Variants in CGNL1 observed in about 807,000 individuals in gnomAD.
CGNL1 encodes cingulin like 1, also known as cingulin-like protein 1.
A neutral mutation model predicts 141.2 loss-of-function variants in CGNL1; 132 were observed. That is an observed-to-expected ratio of 0.93 (90% confidence interval 0.81 to 1.08). CGNL1 has a LOEUF of 1.08. Among genes scored for constraint, CGNL1 ranks in the 50% least tolerant of loss-of-function variants. CGNL1 has a pLI of 0.00. For synonymous variants in CGNL1, 690 were observed against 622.1 expected, an observed-to-expected ratio of 1.11 and a Z score of -1.63; for missense variants, 1,870 against 1,588.6, an observed-to-expected ratio of 1.18 and a Z score of -3.01.
intron 11 of CGNL1, among the ~76,000 whole-genome samples, chr15:57,524,369 C>T (rs2031472995): frequency 6.6e-6 from 1 of 152,224 alleles, no homozygotes; most frequent in Non-Finnish European, 1.5e-5. Context: ...GGCTGTGTGC[C>T]TGGCTCCAAA....
chr15:57,472,709 A>T (rs538340669), intron 8 of CGNL1, among the ~76,000 whole-genome samples: 1 of 152,208 alleles, frequency 6.6e-6, no homozygotes, highest in Non-Finnish European at 1.5e-5. Flanking sequence ...CATTTTCCTT[A>T]TGAGTTTTTG....
chr15:57,446,858 T>C (rs1170680040), intron 4 of CGNL1, among the ~76,000 whole-genome samples: 3 of 152,154 alleles, frequency 2.0e-5, no homozygotes, highest in Non-Finnish European at 4.4e-5. Context: ...ATATCCTCTG[T>C]AATACTTAGA....
chr15:57,529,260 C>A (rs1200652519), intron 13 of CGNL1, among the ~76,000 whole-genome samples: 2 of 152,134 alleles, frequency 1.3e-5, no homozygotes, highest in Admixed American at 1.3e-4. Flanking sequence ...TGTTTCTGGC[C>A]CATTTTCCCT....
intron 1 of CGNL1, among the ~76,000 whole-genome samples, chr15:57,422,455 A>C (rs2062926773): frequency 6.6e-6 from 1 of 152,190 alleles, no homozygotes; most frequent in Admixed American, 6.5e-5. Flanking sequence ...TCCTAGGAGA[A>C]AATGAAGACA....
At chr15:57,544,422 A>G (rs2032738550) in intron 15 of CGNL1, 51 bp from the exon 16 acceptor site, 5 of 1,610,312 alleles carry the variant, frequency 3.1e-6, no homozygotes, top group Non-Finnish European at 3.4e-6. Flanking sequence ...GCTGCTCTGC[A>G]CAGAGCGTGG....
intron 8 of CGNL1, among the ~76,000 whole-genome samples, chr15:57,468,739 G>A (rs143065740): frequency 1.8e-4 from 27 of 152,232 alleles, no homozygotes; most frequent in African/African-American, 5.5e-4. Context: ...CCTAAATCTC[G>A]TCTTGAATTG....
chr15:57,398,034 G>A (rs931078871), intron 1 of CGNL1, among the ~76,000 whole-genome samples: 1 of 152,122 alleles, frequency 6.6e-6, no homozygotes, highest in Admixed American at 6.5e-5. Context: ...GCCTGCCTCA[G>A]CTTCCCAAAG....
chr15:57,530,459 G>C (rs1285092596), intron 13 of CGNL1, among the ~76,000 whole-genome samples: 1 of 152,190 alleles, frequency 6.6e-6, no homozygotes, highest in East Asian at 1.9e-4. Flanking sequence ...CGTCTTGCCT[G>C]CTCCTTCACT....
intron 8 of CGNL1, among the ~76,000 whole-genome samples, chr15:57,494,001 A>T (rs974036387): frequency 6.6e-6 from 1 of 152,138 alleles, no homozygotes; most frequent in South Asian, 2.1e-4. Flanking sequence ...CATGTACCAC[A>T]TGTGTAACCC....
intron 17 of CGNL1, 41 bp downstream of exon 17, chr15:57,545,741 C>T (rs759762716): frequency 7.3e-5 from 111 of 1,521,900 alleles, no homozygotes; most frequent in Non-Finnish European, 8.9e-5. Flanking sequence ...GATGAGATTG[C>T]GTGTCTCAGG....
intron 12 of CGNL1, among the ~76,000 whole-genome samples, chr15:57,526,332 T>A (rs2031614209): frequency 6.6e-6 from 1 of 152,168 alleles, no homozygotes; most frequent in East Asian, 1.9e-4. Context: ...GATACCACCC[T>A]TGACTAAGTT....
chr15:57,543,725 G>A lies in CGNL1; in HGVS notation c.3321G>A (p.Gln1107=). ...QMEQLRNELL[Q]ERAARQDLEC... is the part of the protein sequence containing the mutation. ...AGCAGTTGAGGAATGAGCTACTTCA[G>A]GAGAGAGCTGCGAGACAAGACTTGG... The change falls in exon 15 of 19, where the codon CAG becomes CAA. Residue 1107 remains glutamine (Q), a synonymous_variant. Transcript: ENST00000281282. 3 of 1,614,022 alleles carry A rather than the reference G, an allele frequency of 1.9e-6. No individual in the cohort carries two copies. Among genetic ancestry groups the A allele is most frequent in the Non-Finnish European group, 2.5e-6 (3 of 1,179,956 alleles).
chr15:57,420,065 A>G (rs539371511), intron 1 of CGNL1, among the ~76,000 whole-genome samples: 1 of 152,204 alleles, frequency 6.6e-6, no homozygotes, highest in East Asian at 1.9e-4. Flanking sequence ...CCTTTGATAT[A>G]CCTTAATCAT....
chr15:57,476,845 T>TA (rs1457409015), intron 8 of CGNL1, among the ~76,000 whole-genome samples: 1 of 152,206 alleles, frequency 6.6e-6, no homozygotes, highest in Admixed American at 6.5e-5. Context: ...ATGAATAAAG[T>TA]AATGCTGTTT....
rs1351367749 is a variant in CGNL1, at chr15:57,516,989, G to A, written c.2610+3G>A. On this transcript the variant is annotated splice_donor_region_variant and intron_variant, in intron 9 of 18. Transcript: ENST00000281282. ...AGGAAACGCTGAAGAAGTACGAGGT[G>A]AGGCTCGCTGGGCCCAGGCCCAGCT... The A allele has an allele frequency of 6.2e-7, 1 of 1,611,400 alleles. No individual in the cohort carries two copies. Among genetic ancestry groups the A allele is most frequent in the Non-Finnish European group, 8.5e-7 (1 of 1,179,200 alleles).
chr15:57,379,219 A>G (rs1444063959), intron 1 of CGNL1, among the ~76,000 whole-genome samples: 8 of 152,200 alleles, frequency 5.3e-5, no homozygotes, highest in Non-Finnish European at 1.2e-4. Flanking sequence ...CAATAGTTAC[A>G]CTGTGAATAT....
chr15:57,443,003 G>A (rs1484066690), intron 4 of CGNL1, among the ~76,000 whole-genome samples: 1 of 152,162 alleles, frequency 6.6e-6, no homozygotes, highest in Non-Finnish European at 1.5e-5. Context: ...AACAGATGGC[G>A]AGATTTAGAA....
In CGNL1 at chr15:57,438,326, C is replaced by T. The variant is rs1434156054; in HGVS notation, c.327C>T (p.Ala109=). The change falls in exon 2 of 19, where the codon GCC becomes GCT. Residue 109 remains alanine (A), a synonymous_variant. Coordinates refer to ENST00000281282, the MANE Select transcript of CGNL1 (RefSeq NM_032866.5). ...EELQLPENPY[A]QPSPIRNLKQ... ...TTCAGCTTCCAGAAAACCCATACGCCCAGCCTAGCCCAATAAGAAACCTGA... is the reference window on the plus strand; with the variant it reads ...TTCAGCTTCCAGAAAACCCATACGCTCAGCCTAGCCCAATAAGAAACCTGA... 1.2e-6 allele frequency: 2 copies of T among 1,614,084 alleles called. No individual in the cohort carries two copies. The highest frequency in any genetic ancestry group is 1.3e-5 in the African/African-American group (1 of 75,010).
At position 57,537,670 on chromosome 15, in the gene CGNL1, C is replaced by T. The variant is rs564965231; in HGVS notation, c.3291+5891C>T. Among the ~76,000 whole-genome samples, 77 of 152,240 alleles carry T rather than the reference C, an allele frequency of 5.1e-4. 1 individual carries two copies. The South Asian group carries it at 7.5e-3, about 15-fold the overall frequency. On this transcript the variant is annotated intron_variant, in intron 14 of 18. Transcript: ENST00000281282. Reference sequence around the variant, plus strand: ...GGCCATCACAAATAGCTCTGGCTTTCCATTAACCCAAAAGGCAGCTACTTA... The same window carrying T: ...GGCCATCACAAATAGCTCTGGCTTTTCATTAACCCAAAAGGCAGCTACTTA...
Sources: gnomAD v4.1 joint callset for allele counts (sites outside exome capture counted in the v4.1 genomes callset) on GRCh38, gnomAD v4.1.1 for gene constraint, MANE v1.5 for transcripts, NCBI Gene and HGNC (gene_info 2026-07-23, HGNC 2026-07-21) for gene names.